QRFPR: variants seen among roughly 807,000 people sequenced by gnomAD.
QRFPR encodes the protein pyroglutamylated RFamide peptide receptor.
QRFPR carries 37 observed loss-of-function variants against 31.3 expected under a neutral mutation model. That is an observed-to-expected ratio of 1.18 (90% CI 0.91 to 1.56). The LOEUF is 1.56. Among genes scored for constraint, QRFPR ranks in the 40% most tolerant of loss-of-function variants. The pLI, the probability that QRFPR is intolerant of heterozygous loss-of-function variation, is 0.00. For synonymous variants in QRFPR, 197 were observed against 192.0 expected (o/e 1.03, Z -0.22); for missense variants, 542 against 532.5 (o/e 1.02, Z -0.18).
At chr4:121,335,590 C>G (rs12499980) in intron 3 of QRFPR, among the ~76,000 whole-genome samples, 613 of 57,804 alleles carry the variant, frequency 0.011, 3 homozygotes, top group East Asian at 0.016. Flanking sequence ...GGGGGTGGGG[C>G]GGGGAGAGGA....
At chr4:121,344,127 G>A (rs1725599888) in intron 1 of QRFPR, among the ~76,000 whole-genome samples, 1 of 152,146 alleles carries the variant, frequency 6.6e-6, no homozygotes, top group Non-Finnish European at 1.5e-5. Context: ...GGGCTGACAT[G>A]TTCTTTGTGG....
At chr4:121,360,085 G>C (rs962454773) in intron 1 of QRFPR, among the ~76,000 whole-genome samples, 1 of 151,974 alleles carries the variant, frequency 6.6e-6, no homozygotes, top group African/African-American at 2.4e-5. Context: ...AAAATTTATT[G>C]TGTACAATGA....
At chr4:121,375,121 A>G (rs554118493) in intron 1 of QRFPR, among the ~76,000 whole-genome samples, 2 of 152,152 alleles carry the variant, frequency 1.3e-5, no homozygotes, top group African/African-American at 4.8e-5. Flanking sequence ...GCAGGCTAGC[A>G]TTAGAACTGA....
At chr4:121,371,159 A>T (rs1726237460) in intron 1 of QRFPR, among the ~76,000 whole-genome samples, 1 of 152,146 alleles carries the variant, frequency 6.6e-6, no homozygotes, top group Admixed American at 6.5e-5. Flanking sequence ...GTCTTTTAAG[A>T]TTTCTATTAC....
rs754866165 is a variant in QRFPR, at chr4:121,329,578, C to T, written c.1032G>A (p.Leu344=). ...TTACTATGCAATAACAAACTGCAGA[C>T]AAAACATTTTTTTTGAAGTTTTCAT... ...FMNENFKKNV[L]SAVCYCIVNK... Residue 344 remains leucine (L), a synonymous_variant, in exon 6 of 6, where the codon TTG becomes TTA. Transcript: ENST00000394427. 20 of 1,613,398 alleles carry T rather than the reference C, an allele frequency of 1.2e-5. No homozygotes were observed. In the East Asian group the frequency reaches 2.2e-4, roughly 18 times the overall value.
Position 121,340,602 on chromosome 4 carries a change from T to C in QRFPR, c.349A>G (p.Ile117Val), listed in dbSNP as rs776117505. The C allele has an allele frequency of 4.1e-5, 66 of 1,613,390 alleles. No homozygotes were observed. Among genetic ancestry groups the C allele is most frequent in the Non-Finnish European group, 5.3e-5 (62 of 1,179,612 alleles). ...TGGACAAATGGCACCATCTTGCAAATGAAAGCACCTGCAGTAAGGAAATAG... is the reference window on the plus strand; with the variant it reads ...TGGACAAATGGCACCATCTTGCAAACGAAAGCACCTGCAGTAAGGAAATAG... ...ISDNWLGGAF[I>V]CKMVPFVQST... Residue 117 changes from isoleucine to valine, a missense_variant, in exon 2 of 6, where the codon ATT becomes GTT. Transcript: ENST00000394427.
chr4:121,347,301 A>C (rs1183397612), intron 1 of QRFPR, among the ~76,000 whole-genome samples: 1 of 152,132 alleles, frequency 6.6e-6, no homozygotes, highest in Non-Finnish European at 1.5e-5. Flanking sequence ...TTTCCCATAA[A>C]CCACTTTTTT....
chr4:121,339,744 A>C (rs62319021), intron 2 of QRFPR, among the ~76,000 whole-genome samples: 17,004 of 152,118 alleles, frequency 0.11, 1,010 homozygotes, highest in Non-Finnish European at 0.13. Flanking sequence ...GCTTGAGCCC[A>C]GGAGTTCAAG....
At chr4:121,329,951 C>A (rs1725290379) in intron 5 of QRFPR, among the ~76,000 whole-genome samples, 3 of 152,144 alleles carry the variant, frequency 2.0e-5, no homozygotes, top group Admixed American at 2.0e-4. Flanking sequence ...TAGTAGGGGG[C>A]TTATAGCATT....
At chr4:121,357,943 C>T (rs932087863) in intron 1 of QRFPR, among the ~76,000 whole-genome samples, 2 of 152,150 alleles carry the variant, frequency 1.3e-5, no homozygotes, top group Non-Finnish European at 1.5e-5. Context: ...TTCATTCACT[C>T]ACCTATGGGT....
At chr4:121,342,284 G>T (rs1382209186) in intron 1 of QRFPR, among the ~76,000 whole-genome samples, 1 of 152,126 alleles carries the variant, frequency 6.6e-6, no homozygotes, top group Non-Finnish European at 1.5e-5. Flanking sequence ...TCTCAGGCCT[G>T]CAAGCTTGAA....
chr4:121,343,346 A>G (rs1725580454), intron 1 of QRFPR, among the ~76,000 whole-genome samples: 1 of 152,108 alleles, frequency 6.6e-6, no homozygotes, highest in African/African-American at 2.4e-5. Context: ...CTTAGATATC[A>G]CTCTAGATAC....
intron 1 of QRFPR, among the ~76,000 whole-genome samples, chr4:121,365,456 AAAT>A (rs200755691): frequency 0.71 from 47,435 of 66,550 alleles, 19,280 homozygotes; most frequent in East Asian, 0.91. Context: ...TCCATCTCAA[AAAT>A]AATAATAAAT....
Position 121,340,176 on chromosome 4 carries a change from G to T in QRFPR, c.499+276C>A, listed in dbSNP as rs146538674. The T allele has an allele frequency of 4.9e-4, 169 of 344,688 alleles. 1 individual carries two copies. The Middle Eastern group carries it at 7.3e-3, about 15-fold the overall frequency. 21.4% of individuals were successfully genotyped at this position (344,688 alleles called of 1,614,324 possible). A position where few individuals can be genotyped will look rare whatever the true frequency, so the allele number is the denominator to read the frequency against. On this transcript the variant is annotated intron_variant, in intron 2 of 5. Coordinates refer to ENST00000394427, the MANE Select transcript of QRFPR (RefSeq NM_198179.3). ...GAGTGTTAATGTGGCAATGCCACTG[G>T]TAGGTTATCTTAGATTAGCTGAACA...
chr4:121,336,492 T>C (rs561261822), intron 3 of QRFPR, among the ~76,000 whole-genome samples: 16 of 152,348 alleles, frequency 1.1e-4, no homozygotes, highest in South Asian at 4.1e-4. Context: ...CATTCAACTC[T>C]TAAAATGTAA....
At chr4:121,339,341 T>C (rs1310229195) in intron 2 of QRFPR, among the ~76,000 whole-genome samples, 1 of 152,240 alleles carries the variant, frequency 6.6e-6, no homozygotes, top group Non-Finnish European at 1.5e-5. Context: ...AATTACTGAA[T>C]AGAGAAATGC....
chr4:121,380,615 G>T lies in QRFPR; in HGVS notation c.33C>A (p.Phe11Leu). 1 of 1,596,918 alleles carries T rather than the reference G, an allele frequency of 6.3e-7. No individual in the cohort carries two copies. Among genetic ancestry groups the T allele is most frequent in the Non-Finnish European group, 8.5e-7 (1 of 1,169,986 alleles). The change falls in exon 1 of 6, where the codon TTC becomes TTA. Residue 11 changes from phenylalanine (F) to leucine (L), a missense_variant. Phe to Leu is a conservative substitution (Grantham distance 22). Transcript: ENST00000394427. MQALNITPEQ[F>L]SRLLRDHNLT... ...GGTTGTGGTCCCGCAGCAGCCGAGA[G>T]AACTGCTCCGGGGTAATGTTAAGCG...
intron 1 of QRFPR, among the ~76,000 whole-genome samples, chr4:121,370,928 G>C (rs780075129): frequency 1.7e-4 from 26 of 152,144 alleles, no homozygotes; most frequent in Admixed American, 3.3e-4. Flanking sequence ...ACCACTGGGG[G>C]GCAGCATCAA....
At chr4:121,353,616 C>G (rs1725805215) in intron 1 of QRFPR, among the ~76,000 whole-genome samples, 1 of 151,956 alleles carries the variant, frequency 6.6e-6, no homozygotes, top group Non-Finnish European at 1.5e-5. Context: ...GTTTCTAATC[C>G]TTTGTCAGAT....
Sources: allele counts gnomAD v4.1 joint callset (sites outside exome capture counted in the v4.1 genomes callset), GRCh38; gene constraint gnomAD v4.1.1; transcripts MANE v1.5; gene names NCBI Gene and HGNC (gene_info 2026-07-23, HGNC 2026-07-21).